Variants in SPHKAP observed in about 807,000 individuals in gnomAD.
The protein encoded by SPHKAP is SPHK1 interactor, AKAP domain containing, also known as A-kinase anchor protein SPHKAP.
A neutral mutation model predicts 137.5 loss-of-function variants in SPHKAP; 67 were observed. The ratio of observed to expected loss-of-function variants is 0.49; its 90% CI spans 0.40 to 0.60. The LOEUF is 0.60. Among genes scored for constraint, SPHKAP ranks in the 20% least tolerant of loss-of-function variants. SPHKAP has a pLI of 0.00. For missense variants in SPHKAP, 2,097 were observed against 2,069.3 expected, an observed-to-expected ratio of 1.01 and a Z score of -0.26; for synonymous variants, 813 against 785.3, an observed-to-expected ratio of 1.04 and a Z score of -0.59.
chr2:228,028,821 A>G (rs1246218409), intron 3 of SPHKAP, among the ~76,000 whole-genome samples: 1 of 152,252 alleles, frequency 6.6e-6, no homozygotes, highest in Non-Finnish European at 1.5e-5. Flanking sequence ...CCTAACAGTA[A>G]GTGACTCATG....
chr2:227,980,611 C>G lies in SPHKAP; in HGVS notation c.*1106G>C, dbSNP rs1378001661. On this transcript the variant is annotated 3_prime_UTR_variant, in exon 12 of 12. Coordinates refer to ENST00000392056, the MANE Select transcript of SPHKAP (RefSeq NM_001142644.2). The stretch of plus-strand genomic sequence containing the variant: ...AATGTGTCAAAGTCTTCTTTTCCCC[C>G]AATTCAAGGCTAATATCTACGAGTC... 1.3e-5 allele frequency: 2 copies of G among 152,108 alleles called. No individual in the cohort carries two copies. The highest frequency in any genetic ancestry group is 2.9e-5 in the Non-Finnish European group (2 of 68,012). 9.4% of individuals were successfully genotyped at this position (152,108 alleles called of 1,614,324 possible).
At chr2:228,038,992 A>G (rs1695738465) in intron 3 of SPHKAP, among the ~76,000 whole-genome samples, 1 of 152,246 alleles carries the variant, frequency 6.6e-6, no homozygotes, top group Non-Finnish European at 1.5e-5. Flanking sequence ...TCGTTTTCTC[A>G]CAAAGAAGCA....
intron 3 of SPHKAP, among the ~76,000 whole-genome samples, chr2:228,055,679 T>C (rs893264116): frequency 6.6e-6 from 1 of 152,208 alleles, no homozygotes; most frequent in African/African-American, 2.4e-5. Flanking sequence ...GAGAGTGCTA[T>C]TGCATACTGA....
chr2:227,986,471 A>G (rs1380202792), intron 11 of SPHKAP, among the ~76,000 whole-genome samples: 1 of 152,138 alleles, frequency 6.6e-6, no homozygotes, highest in Non-Finnish European at 1.5e-5. Flanking sequence ...GGTTCAATGT[A>G]TACTGGTCGG....
chr2:228,041,763 C>A (rs1360386628), intron 3 of SPHKAP, among the ~76,000 whole-genome samples: 2 of 151,824 alleles, frequency 1.3e-5, no homozygotes, highest in East Asian at 3.9e-4. Flanking sequence ...TAATACAGTG[C>A]AGATTTGCTG....
intron 3 of SPHKAP, among the ~76,000 whole-genome samples, chr2:228,061,272 A>AT (rs1696624178): frequency 1.3e-5 from 2 of 151,524 alleles, no homozygotes; most frequent in African/African-American, 4.8e-5. Context: ...TTTATTTTTT[A>AT]TTTTTTTGAG....
At chr2:228,130,662 T>G (rs1479921089) in intron 2 of SPHKAP, among the ~76,000 whole-genome samples, 1 of 152,200 alleles carries the variant, frequency 6.6e-6, no homozygotes, top group Non-Finnish European at 1.5e-5. Flanking sequence ...CAGCATATGA[T>G]GAAGCATTTA....
intron 1 of SPHKAP, among the ~76,000 whole-genome samples, chr2:228,142,822 A>T (rs1023658727): frequency 1.3e-5 from 2 of 152,200 alleles, no homozygotes; most frequent in African/African-American, 2.4e-5. Context: ...CTATATAACA[A>T]ACCTTCACAT....
chr2:228,037,219 A>T (rs1695655512), intron 3 of SPHKAP, among the ~76,000 whole-genome samples: 1 of 152,106 alleles, frequency 6.6e-6, no homozygotes, highest in Non-Finnish European at 1.5e-5. Context: ...ATGAAAAAAA[A>T]TGCATCATGC....
intron 7 of SPHKAP, among the ~76,000 whole-genome samples, chr2:228,011,396 T>C (rs1270003425): frequency 1.1e-4 from 17 of 152,172 alleles, no homozygotes; most frequent in Non-Finnish European, 2.1e-4. Context: ...CTTTAGAAAA[T>C]GAATTTTTAG....
At chr2:228,020,208 A>G (rs768680129) in intron 6 of SPHKAP, 52 bp from the exon 7 acceptor site, 7 of 1,525,788 alleles carry the variant, frequency 4.6e-6, no homozygotes, top group Non-Finnish European at 6.1e-6. Flanking sequence ...GCAGGTTACC[A>G]TAAGTCTTAA....
At chr2:228,005,797 C>A (rs976994708) in intron 7 of SPHKAP, among the ~76,000 whole-genome samples, 1 of 152,162 alleles carries the variant, frequency 6.6e-6, no homozygotes, top group Non-Finnish European at 1.5e-5. Flanking sequence ...TTTATTTCTC[C>A]TTCACTTATG....
At position 228,018,650 on chromosome 2, in the gene SPHKAP, G is replaced by A. The variant is rs1559350143; in HGVS notation, c.2204C>T (p.Ala735Val). The A allele has an allele frequency of 6.2e-7, 1 of 1,614,202 alleles. No individual in the cohort carries two copies. ...SHIVRLGECPAVLSKETIRRR... is the reference protein window; with the variant it reads ...SHIVRLGECPVVLSKETIRRR... ...TCTGATGGTCTCCTTAGAAAGGACA[G>A]CAGGACATTCACCAAGCCGTACAAT... The change falls in exon 7 of 12, where the codon GCT becomes GTT. Residue 735 changes from alanine (A) to valine (V), a missense_variant. Coordinates refer to ENST00000392056, the MANE Select transcript of SPHKAP (RefSeq NM_001142644.2).
rs58510792 is a variant in SPHKAP at position 228,046,291 on chromosome 2, C to CTTTTTTTT, written c.247-18756_247-18749dup. On this transcript the variant is annotated intron_variant, in intron 3 of 11. Transcript: ENST00000392056. ...CTGCATGCTGAATACTGTTGTTATTCTTTTTTTTTTTTTTTTTTTTTGGTC... is the reference window on the plus strand; with the variant it reads ...CTGCATGCTGAATACTGTTGTTATTCTTTTTTTTTTTTTTTTTTTTTTTTTTTTTGGTC... 6.4e-4 allele frequency among the ~76,000 whole-genome samples: 53 copies of CTTTTTTTT among 82,518 alleles called. 1 individual carries two copies. Among genetic ancestry groups the CTTTTTTTT allele is most frequent in the East Asian group, 1.5e-3 (4 of 2,726 alleles). 54.1% of individuals were successfully genotyped at this position (82,518 alleles called of 152,430 possible). A position where few individuals can be genotyped will look rare whatever the true frequency, so the allele number is the denominator to read the frequency against.
chr2:228,150,188 A>G (rs1271990525), intron 1 of SPHKAP, among the ~76,000 whole-genome samples: 1 of 152,152 alleles, frequency 6.6e-6, no homozygotes, highest in African/African-American at 2.4e-5. Flanking sequence ...TTATAACAAT[A>G]TTATCTTTTT....
At chr2:228,056,804 C>G (rs1228980795) in intron 3 of SPHKAP, among the ~76,000 whole-genome samples, 1 of 152,074 alleles carries the variant, frequency 6.6e-6, no homozygotes, top group African/African-American at 2.4e-5. Context: ...GGGAAGGCCT[C>G]TTTTCTTTTT....
intron 3 of SPHKAP, among the ~76,000 whole-genome samples, chr2:228,054,095 G>C (rs1696355011): frequency 6.6e-6 from 1 of 152,110 alleles, no homozygotes. Context: ...TGGGGAAAAA[G>C]AGTACAAAGG....
chr2:227,981,539 C>T lies in SPHKAP; in HGVS notation c.*178G>A. Reference sequence around the variant, plus strand: ...ACAAGTTGTATGAATTTGGACAGACCTATATTTTGCTTTTCCTCTGACTTA... The same window carrying T: ...ACAAGTTGTATGAATTTGGACAGACTTATATTTTGCTTTTCCTCTGACTTA... On this transcript the variant is annotated 3_prime_UTR_variant, in exon 12 of 12. Transcript: ENST00000392056. 1 of 630,078 alleles carries T rather than the reference C, an allele frequency of 1.6e-6. No homozygotes were observed. 39.0% of individuals were successfully genotyped at this position (630,078 alleles called of 1,614,324 possible). A position where few individuals can be genotyped will look rare whatever the true frequency, so the allele number is the denominator to read the frequency against.
At chr2:228,113,901 C>A (rs895966919) in intron 2 of SPHKAP, among the ~76,000 whole-genome samples, 2 of 152,022 alleles carry the variant, frequency 1.3e-5, no homozygotes, top group Non-Finnish European at 1.5e-5. Context: ...ATGCAGACTT[C>A]AGTAAACCAC....
Sources: gnomAD v4.1 joint callset for allele counts (sites outside exome capture counted in the v4.1 genomes callset) on GRCh38, gnomAD v4.1.1 for gene constraint, MANE v1.5 for transcripts, NCBI Gene and HGNC (gene_info 2026-07-23, HGNC 2026-07-21) for gene names.